The following RELL1 variants were observed in gnomAD, a reference collection of about 807,000 sequenced individuals.
The protein encoded by RELL1 is RELT-like protein 1.
In RELL1, 10 loss-of-function variants were observed where a neutral mutation model predicts 23.0. The observed-to-expected ratio is 0.43, with a 90% CI of 0.27 to 0.74. RELL1 has a LOEUF of 0.74. RELL1 is among the 30% of genes least tolerant of loss of function. The pLI is 0.19. For synonymous variants in RELL1, 146 were observed against 146.8 expected, an observed-to-expected ratio of 0.99 and a Z score of 0.04; for missense variants, 315 against 364.4, an observed-to-expected ratio of 0.86 and a Z score of 1.10.
intron 4 of RELL1, 46 bp from the exon 5 acceptor site, chr4:37,635,169 A>G (rs1560339200): frequency 2.7e-6 from 4 of 1,462,230 alleles, no homozygotes; most frequent in Non-Finnish European, 3.8e-6. Flanking sequence ...TAAAGGAAAT[A>G]TCAGCGAAGG....
chr4:37,669,425 C>A (rs1359832114), intron 1 of RELL1, among the ~76,000 whole-genome samples: 5 of 149,758 alleles, frequency 3.3e-5, no homozygotes, highest in Admixed American at 1.3e-4. Context: ...GTCAGCCCCC[C>A]ACCCGGCCAG....
chr4:37,618,507 G>A lies in RELL1; in HGVS notation c.*4-5165C>T, dbSNP rs79158896. On this transcript the variant is annotated intron_variant, in intron 6 of 6. Transcript: ENST00000454158. The stretch of plus-strand genomic sequence containing the variant: ...CCAGCCTCAGCCTCCCGAACTGCTG[G>A]GATTACAGGTATGAGCTATCACACC... 3.0e-4 allele frequency among the ~76,000 whole-genome samples: 45 copies of A among 152,132 alleles called. No individual in the cohort carries two copies. The East Asian group carries it at 8.5e-3, about 29-fold the overall frequency.
At chr4:37,604,852 GAC>G (rs1560323807) in intron 6 of RELL1, among the ~76,000 whole-genome samples, 456 of 26,652 alleles carry the variant, frequency 0.017, 4 homozygotes, top group East Asian at 0.13. Context: ...CACACACACA[GAC>G]ACACACACAC....
At chr4:37,680,482 CA>C (rs1330255579) in intron 1 of RELL1, among the ~76,000 whole-genome samples, 2 of 152,142 alleles carry the variant, frequency 1.3e-5, no homozygotes, top group African/African-American at 4.8e-5. Context: ...AAGTAAAATA[CA>C]GTGAATCCAT....
chr4:37,615,699 G>T (rs1011188110), intron 6 of RELL1, among the ~76,000 whole-genome samples: 1 of 152,178 alleles, frequency 6.6e-6, no homozygotes, highest in Admixed American at 6.5e-5. Flanking sequence ...AAAATTAAGC[G>T]AAGTTCCATT....
intron 6 of RELL1, among the ~76,000 whole-genome samples, chr4:37,603,641 A>G (rs960277511): frequency 6.6e-6 from 1 of 152,172 alleles, no homozygotes; most frequent in African/African-American, 2.4e-5. Flanking sequence ...ATGTGAAGAC[A>G]GATTTGAAAA....
At chr4:37,609,727 A>C (rs538348959), downstream of RELL1, among the ~76,000 whole-genome samples, 17 of 152,336 alleles carry the variant, frequency 1.1e-4, no homozygotes, top group African/African-American at 3.4e-4. Flanking sequence ...CAGTGGAGGA[A>C]GTCACTGCAG....
chr4:37,590,747 C>A (rs149531145), downstream of RELL1: 1 of 1,614,118 alleles, frequency 6.2e-7, no homozygotes, highest in Admixed American at 1.7e-5. Flanking sequence ...GGTTTGAATA[C>A]GCCCTTCTCT....
At chr4:37,610,447 C>G (rs35535656), downstream of RELL1, among the ~76,000 whole-genome samples, 30,700 of 151,870 alleles carry the variant, frequency 0.2, 4,707 homozygotes, top group African/African-American at 0.41. The surrounding 1 kb of genome is among the most constrained non-coding windows in gnomAD (Gnocchi z 4.1). Context: ...CAAAGTATGC[C>G]TGTGTTAGGG....
At chr4:37,635,968 T>C (rs11737330) in intron 4 of RELL1, among the ~76,000 whole-genome samples, 23,255 of 152,250 alleles carry the variant, frequency 0.15, 1,840 homozygotes, top group East Asian at 0.25. Flanking sequence ...AAAACAGATG[T>C]TGATGGTGTT....
chr4:37,617,302 T>C lies in RELL1; in HGVS notation c.*4-3960A>G, dbSNP rs140639621. Among the ~76,000 whole-genome samples, 561 of 152,296 alleles carry C rather than the reference T, an allele frequency of 3.7e-3. 5 individuals are homozygous for C. The highest frequency in any genetic ancestry group is 0.012 in the African/African-American group (493 of 41,572). On this transcript the variant is annotated intron_variant, in intron 6 of 6. Coordinates refer to ENST00000454158, the MANE Select transcript of RELL1 (RefSeq NM_001085400.2). ...TAATGCACGTATGAAGGTTTAAGCT[T>C]TTAGGTAAGACCCAGTACTAATGTT...
chr4:37,608,111 C>T (rs1473476181), downstream of RELL1, among the ~76,000 whole-genome samples: 3 of 152,110 alleles, frequency 2.0e-5, no homozygotes, highest in Admixed American at 1.3e-4. Flanking sequence ...ATGTGTGTTC[C>T]AACTGCCCGA....
chr4:37,661,767 C>T (rs1406894821), intron 1 of RELL1, among the ~76,000 whole-genome samples: 1 of 152,190 alleles, frequency 6.6e-6, no homozygotes, highest in Non-Finnish European at 1.5e-5. Flanking sequence ...TTTGCCCAAG[C>T]TCAAGAATAT....
chr4:37,615,124 A>G (rs1295193255), intron 6 of RELL1, among the ~76,000 whole-genome samples: 1 of 152,226 alleles, frequency 6.6e-6, no homozygotes, highest in African/African-American at 2.4e-5. Flanking sequence ...AAAAGCAATC[A>G]GTATGCTCCG....
At chr4:37,650,685 A>T (rs180714962) in intron 1 of RELL1, among the ~76,000 whole-genome samples, 345 of 152,056 alleles carry the variant, frequency 2.3e-3, no homozygotes, top group African/African-American at 7.8e-3. Context: ...GAATATATAT[A>T]TGAGAGACAG....
chr4:37,596,728 ATATATATATTTTTTTTT>A (rs1236591887), intron 6 of RELL1, among the ~76,000 whole-genome samples: 1 of 16,730 alleles, frequency 6.0e-5, no homozygotes, highest in Non-Finnish European at 1.6e-4. Flanking sequence ...ATATATATAT[ATATATATATTTTTTTTT>A]TTTTTTTTTT....
intron 6 of RELL1, among the ~76,000 whole-genome samples, chr4:37,604,866 G>T (rs200583362): frequency 3.5e-5 from 2 of 56,796 alleles, no homozygotes; most frequent in Admixed American, 1.6e-4. Flanking sequence ...CACACACACA[G>T]ACACACACAC....
intron 6 of RELL1, among the ~76,000 whole-genome samples, chr4:37,613,593 C>A (rs1229099569): frequency 6.6e-6 from 1 of 152,104 alleles, no homozygotes; most frequent in Non-Finnish European, 1.5e-5. Context: ...TGCCCCTCCC[C>A]CTTTCTCTCT....
At chr4:37,618,760 T>G (rs1478317264) in intron 6 of RELL1, among the ~76,000 whole-genome samples, 4 of 152,252 alleles carry the variant, frequency 2.6e-5, no homozygotes, top group African/African-American at 7.2e-5. Context: ...GTTTTTACAG[T>G]TCCAGATTGC....
Sources: gnomAD v4.1 joint callset for allele counts (sites outside exome capture counted in the v4.1 genomes callset) on GRCh38, gnomAD v4.1.1 for gene constraint, Gnocchi (gnomAD v3.1) non-coding constraint, MANE v1.5 for transcripts, NCBI Gene and HGNC (gene_info 2026-07-23, HGNC 2026-07-21) for gene names.